SH3BP5: variants seen among roughly 807,000 people sequenced by gnomAD.
SH3BP5 encodes the protein SH3 domain binding protein 5.
A neutral mutation model predicts 43.3 loss-of-function variants in SH3BP5; 22 were observed. That is an observed-to-expected ratio of 0.51 (90% CI 0.36 to 0.73). The LOEUF (loss-of-function observed/expected upper bound fraction) is 0.73, where lower values mean the gene tolerates loss of function less well. Ranked by LOEUF, SH3BP5 falls within the 30% of genes least tolerant of loss-of-function variation. SH3BP5 has a pLI of 0.00. For synonymous variants in SH3BP5, 255 were observed against 225.8 expected (o/e 1.13, Z -1.16); for missense variants, 529 against 586.9 (o/e 0.90, Z 1.02).
chr3:15,260,801 A>G (rs1696408971), intron 5 of SH3BP5, among the ~76,000 whole-genome samples: 2 of 152,190 alleles, frequency 1.3e-5, no homozygotes, highest in Admixed American at 1.3e-4. Context: ...TGTGGAATGC[A>G]CAGATGTACA....
At chr3:15,275,091 G>A (rs1273982975) in intron 3 of SH3BP5, among the ~76,000 whole-genome samples, 1 of 152,178 alleles carries the variant, frequency 6.6e-6, no homozygotes, top group Non-Finnish European at 1.5e-5. Context: ...CCCTCATGAG[G>A]AGATCAGTGC....
Position 15,256,919 on chromosome 3 carries a change from A to G in SH3BP5, c.1084T>C (p.Phe362Leu). The G allele has an allele frequency of 6.2e-7, 1 of 1,614,166 alleles. No homozygotes were observed. Among genetic ancestry groups the G allele is most frequent in the Non-Finnish European group, 8.5e-7 (1 of 1,179,996 alleles). ...PVSLSEFGMM[F>L]PVLGPRSECS... ...TCACTTCGAGGGCCCAACACTGGGA[A>G]CATCATCCCAAACTCTGACAGGGAC... is the stretch of plus-strand genomic sequence containing the variant. The change falls in exon 8 of 9, where the codon TTC (phenylalanine) becomes CTC (leucine). Residue 362 changes from phenylalanine (F) to leucine (L), a missense_variant. Around this residue, in one of 3 missense-constraint regions of SH3BP5, gnomAD observed 369 missense variants for 384.3 expected, o/e 0.96. Transcript: ENST00000383791.
In SH3BP5 at chr3:15,320,640, A is replaced by ACACACACACACGCT. The variant is rs373879792; in HGVS notation, c.201+9863_201+9864insAGCGTGTGTGTGTG. Among the ~76,000 whole-genome samples, 275 of 149,670 alleles carry ACACACACACACGCT rather than the reference A, an allele frequency of 1.8e-3. 2 individuals carry two copies. Among genetic ancestry groups the ACACACACACACGCT allele is most frequent in the South Asian group, 4.9e-3 (23 of 4,728 alleles). ...CACACACACACACACACACACACAC[A>ACACACACACACGCT]CCCCACTACGTTAAAGTCCCTACAA... On this transcript the variant is annotated intron_variant, in intron 2 of 8. Coordinates refer to ENST00000383791, the MANE Select transcript of SH3BP5 (RefSeq NM_004844.5).
intron 2 of SH3BP5, among the ~76,000 whole-genome samples, chr3:15,305,051 AG>A (rs1474120729): frequency 1.3e-5 from 2 of 151,464 alleles, no homozygotes; most frequent in Non-Finnish European, 2.9e-5. Context: ...CAGGAGGCAG[AG>A]GTTGCAGTGA....
intron 3 of SH3BP5, among the ~76,000 whole-genome samples, chr3:15,278,895 C>T (rs939699988): frequency 1.3e-5 from 2 of 152,008 alleles, no homozygotes; most frequent in African/African-American, 4.8e-5. Flanking sequence ...TTTGGTGAGG[C>T]GTGGTAACTC....
intron 2 of SH3BP5, among the ~76,000 whole-genome samples, chr3:15,324,726 T>C (rs979585961): frequency 3.3e-5 from 5 of 152,152 alleles, no homozygotes; most frequent in South Asian, 2.1e-4. Context: ...TGTCCTTTGA[T>C]AGAGGAATTT....
chr3:15,259,787 T>C lies in SH3BP5; in HGVS notation c.643A>G (p.Lys215Glu). Reference protein sequence around the residue: ...INKSKPYFELKAKYYVQLEQL... With the variant: ...INKSKPYFELEAKYYVQLEQL... ...TCGAGCTGCACATAGTACTTTGCCT[T>C]GAGTTCAAAATAAGGCCTGCAGAAG... Residue 215 changes from lysine to glutamate, a missense_variant, in exon 6 of 9, where the codon AAG becomes GAG. Lys to Glu is a moderately conservative substitution (Grantham distance 56, BLOSUM62 1). This residue lies in a region of SH3BP5 where 369 missense variants were observed against 384.3 expected (regional missense o/e 0.96). Coordinates refer to ENST00000383791, the MANE Select transcript of SH3BP5 (RefSeq NM_004844.5). The C allele has an allele frequency of 6.2e-7, 1 of 1,614,074 alleles. No individual in the cohort carries two copies. The highest frequency in any genetic ancestry group is 8.5e-7 in the Non-Finnish European group (1 of 1,180,008).
At chr3:15,319,033 C>T (rs1279528226) in intron 2 of SH3BP5, among the ~76,000 whole-genome samples, 1 of 152,234 alleles carries the variant, frequency 6.6e-6, no homozygotes. Context: ...GAAAACAGCA[C>T]ATCTATCTGG....
intron 2 of SH3BP5, among the ~76,000 whole-genome samples, chr3:15,321,648 C>CAAA (rs61645887): frequency 6.8e-5 from 3 of 43,832 alleles, no homozygotes; most frequent in African/African-American, 2.0e-4. Flanking sequence ...CAGCAGCTAG[C>CAAA]AACAACTGGT....
At chr3:15,301,309 A>C (rs1697745666) in intron 3 of SH3BP5, among the ~76,000 whole-genome samples, 1 of 152,176 alleles carries the variant, frequency 6.6e-6, no homozygotes, top group African/African-American at 2.4e-5. Context: ...CATGACTTCA[A>C]GGGAGGGCAG....
At chr3:15,273,273 C>A in intron 3 of SH3BP5, 1 of 985,372 alleles carries the variant, frequency 1.0e-6, no homozygotes, top group African/African-American at 1.7e-5. Flanking sequence ...AGTTATGAAT[C>A]CCTTATTTCT....
At chr3:15,273,928 C>T (rs545032142) in intron 3 of SH3BP5, among the ~76,000 whole-genome samples, 1 of 152,276 alleles carries the variant, frequency 6.6e-6, no homozygotes, top group Admixed American at 6.5e-5. Flanking sequence ...CCATATTAGT[C>T]CATTCTTGTA....
chr3:15,294,216 A>T (rs1320823913), intron 3 of SH3BP5, among the ~76,000 whole-genome samples: 1 of 152,058 alleles, frequency 6.6e-6, no homozygotes, highest in Non-Finnish European at 1.5e-5. Flanking sequence ...GCACAGCCTC[A>T]ACAAATCAGG....
intron 2 of SH3BP5, among the ~76,000 whole-genome samples, chr3:15,311,410 A>C (rs1276221302): frequency 6.6e-6 from 1 of 152,034 alleles, no homozygotes; most frequent in Non-Finnish European, 1.5e-5. Flanking sequence ...TAAAAACACA[A>C]AAATTAGTCG....
upstream of SH3BP5, among the ~76,000 whole-genome samples, chr3:15,337,089 T>TTTG (rs1553621611): frequency 0.019 from 2,568 of 136,140 alleles, 79 homozygotes; most frequent in African/African-American, 0.064. Context: ...GTTTAGTTTT[T>TTTG]TTTTTTTTTT....
At chr3:15,336,366 G>T (rs1306804747), upstream of SH3BP5, among the ~76,000 whole-genome samples, 1 of 152,292 alleles carries the variant, frequency 6.6e-6, no homozygotes, top group East Asian at 1.9e-4. Context: ...TTAGGTCATG[G>T]TAAGGAATTT....
Position 15,256,830 on chromosome 3 carries a change from G to C in SH3BP5, c.1150+23C>G, listed in dbSNP as rs781150199. Reference sequence around the variant, plus strand: ...ACAGAGGCAGTGTGGCATCTGGGACGGGGTGAGAAGGCTGCTACTCACCTC... The same window carrying C: ...ACAGAGGCAGTGTGGCATCTGGGACCGGGTGAGAAGGCTGCTACTCACCTC... On this transcript the variant is annotated intron_variant, in intron 8 of 8. Coordinates refer to ENST00000383791, the MANE Select transcript of SH3BP5 (RefSeq NM_004844.5). 4 of 1,588,980 alleles carry C rather than the reference G, an allele frequency of 2.5e-6. No individual in the cohort carries two copies. In the Admixed American group the frequency reaches 5.1e-5, roughly 20 times the overall value.
At chr3:15,304,074 T>C (rs1178021529) in intron 3 of SH3BP5, 29 bp downstream of exon 3, 1 of 1,593,168 alleles carries the variant, frequency 6.3e-7, no homozygotes, top group South Asian at 1.1e-5. Flanking sequence ...AGGCTCGAGG[T>C]AGGGGAGACA....
At chr3:15,265,444 A>G (rs1017790356) in intron 4 of SH3BP5, among the ~76,000 whole-genome samples, 1 of 149,162 alleles carries the variant, frequency 6.7e-6, no homozygotes, top group African/African-American at 2.5e-5. Flanking sequence ...TGAACCTGGG[A>G]GGTGGAGGTT....
Sources: gnomAD v4.1 joint callset for allele counts (sites outside exome capture counted in the v4.1 genomes callset) on GRCh38, gnomAD v4.1.1 for gene constraint, gnomAD v4.1.1 regional missense constraint, MANE v1.5 for transcripts, NCBI Gene and HGNC (gene_info 2026-07-23, HGNC 2026-07-21) for gene names.